Variants in CCR6 observed in about 807,000 individuals in gnomAD.
CCR6 encodes the protein C-C motif chemokine receptor 6.
CCR6 carries 2 observed loss-of-function variants against 3.0 expected under a neutral mutation model. The ratio of observed to expected loss-of-function variants is 0.66; its 90% CI spans 0.27 to 2.07. CCR6 has a LOEUF of 2.07. CCR6 is among the 30% of genes most tolerant of loss of function. The pLI is 0.14. For synonymous variants in CCR6, 193 were observed against 184.3 expected (o/e 1.05, Z -0.38); for missense variants, 322 against 462.8 (o/e 0.70, Z 2.79).
chr6:167,136,941 T>A lies in CCR6; in HGVS notation c.711T>A (p.Ile237=), dbSNP rs1420753299. 1 of 1,614,188 alleles carries A rather than the reference T, an allele frequency of 6.2e-7. No homozygotes were observed. ...TCATGATATTTTGTTACACGTTCAT[T>A]GTCAAAACCTTGGTGCAAGCTCAGA... ...LMFMIFCYTF[I]VKTLVQAQNS... The change falls in exon 3 of 3, where the codon ATT becomes ATA. Residue 237 remains isoleucine (I), a synonymous_variant. Transcript: ENST00000341935. This position sits in a 1 kb window ranked among gnomAD's most constrained non-coding sequence, Gnocchi z 4.6.
intron 1 of CCR6, among the ~76,000 whole-genome samples, chr6:167,117,572 A>G (rs1781519518): frequency 1.3e-5 from 2 of 150,626 alleles, no homozygotes; most frequent in Non-Finnish European, 3.0e-5. Context: ...GCGCGCCACC[A>G]CGCCCGGCTA....
intron 1 of CCR6, among the ~76,000 whole-genome samples, 172 bp downstream of exon 1, chr6:167,123,395 G>T (rs937496988): frequency 1.3e-5 from 2 of 152,100 alleles, no homozygotes; most frequent in East Asian, 1.9e-4. Context: ...TGACTTTATG[G>T]TTTTAGGAAG....
chr6:167,122,964 A>T (rs761772330), upstream of CCR6: 11 of 152,454 alleles, frequency 7.2e-5, no homozygotes, highest in Middle Eastern at 3.2e-3. The surrounding 1 kb of genome is among the most constrained non-coding windows in gnomAD (Gnocchi z 4.2). Context: ...CTTTGATTCC[A>T]GGGATCCTAC....
intron 1 of CCR6, among the ~76,000 whole-genome samples, chr6:167,134,466 C>T (rs3093014): frequency 1.3e-5 from 2 of 152,140 alleles, no homozygotes; most frequent in Admixed American, 1.3e-4. Flanking sequence ...GAACCGATCT[C>T]TAAGTTGTGA....
At chr6:167,133,932 G>GTGTGTATATATATATATATA (rs1183741225) in intron 1 of CCR6, among the ~76,000 whole-genome samples, 28 of 110,396 alleles carry the variant, frequency 2.5e-4, no homozygotes, top group Non-Finnish European at 3.8e-4. Context: ...ATATATGTGT[G>GTGTGTATATATATATATATA]TATATATATA....
chr6:167,118,200 C>T (rs766949742), upstream of CCR6, among the ~76,000 whole-genome samples: 4 of 152,186 alleles, frequency 2.6e-5, no homozygotes, highest in Non-Finnish European at 5.9e-5. Flanking sequence ...TCTACCACCA[C>T]GACAACAATC....
At chr6:167,133,932 GTATATATATATATATATATATATATATA>G (rs6149918) in intron 1 of CCR6, among the ~76,000 whole-genome samples, 2 of 110,340 alleles carry the variant, frequency 1.8e-5, no homozygotes, top group African/African-American at 8.8e-5. Context: ...ATATATGTGT[GTATATATATATATATATATATATATATA>G]TATATATATA....
At chr6:167,114,184 C>T (rs1004230433) in intron 1 of CCR6, among the ~76,000 whole-genome samples, 4 of 152,240 alleles carry the variant, frequency 2.6e-5, no homozygotes, top group African/African-American at 9.6e-5. Flanking sequence ...CCTCTCCCTC[C>T]TCACCTTCCC....
chr6:167,136,226 T>C lies in CCR6; in HGVS notation c.10-14T>C. On this transcript the variant is annotated splice_polypyrimidine_tract_variant and intron_variant, in intron 2 of 2. Transcript: ENST00000341935. This position sits in a 1 kb window ranked among gnomAD's most constrained non-coding sequence, Gnocchi z 4.6. Reference sequence around the variant, plus strand: ...ACTACACTGCAGCTAACTCTATCTTTGTTTCCTTTCCAGGAATCAATGAAT... The same window carrying C: ...ACTACACTGCAGCTAACTCTATCTTCGTTTCCTTTCCAGGAATCAATGAAT... The C allele has an allele frequency of 1.2e-6, 2 of 1,607,306 alleles. 1 individual carries two copies. Among genetic ancestry groups the C allele is most frequent in the Middle Eastern group, 3.3e-4 (2 of 6,040 alleles).
At chr6:167,129,826 G>T (rs977569797) in intron 1 of CCR6, among the ~76,000 whole-genome samples, 3 of 151,582 alleles carry the variant, frequency 2.0e-5, no homozygotes, top group African/African-American at 7.3e-5. Flanking sequence ...TCAGGTGGGG[G>T]GTGACAATGA....
chr6:167,122,095 C>T (rs36226077), upstream of CCR6, among the ~76,000 whole-genome samples: 17 of 152,056 alleles, frequency 1.1e-4, no homozygotes, highest in East Asian at 1.4e-3. The surrounding 1 kb of genome is among the most constrained non-coding windows in gnomAD (Gnocchi z 4.2). Context: ...CAGGAAGGAG[C>T]GACCCAGGTG....
intron 1 of CCR6, among the ~76,000 whole-genome samples, chr6:167,129,174 G>A (rs1188638610): frequency 6.6e-6 from 1 of 152,164 alleles, no homozygotes; most frequent in Non-Finnish European, 1.5e-5. Flanking sequence ...CAATTGTCCA[G>A]ACACCTAGCA....
intron 1 of CCR6, among the ~76,000 whole-genome samples, chr6:167,131,033 T>TG (rs1410855636): frequency 1.3e-3 from 141 of 111,448 alleles, no homozygotes; most frequent in Middle Eastern, 4.4e-3. Flanking sequence ...CCCATCCCTC[T>TG]GGACCCCTTC....
chr6:167,115,694 T>A (rs962565736), intron 1 of CCR6: 8 of 152,236 alleles, frequency 5.3e-5, no homozygotes, highest in Non-Finnish European at 7.3e-5. Context: ...TCCATAATAG[T>A]CACTATAATT....
rs1781847787 is a variant in CCR6, at chr6:167,136,231, C to T, written c.10-9C>T. On this transcript the variant is annotated splice_polypyrimidine_tract_variant and intron_variant, in intron 2 of 2. Coordinates refer to ENST00000341935, the MANE Select transcript of CCR6 (RefSeq NM_031409.4). The surrounding 1 kb of genome is among the most constrained non-coding windows in gnomAD (Gnocchi z 4.6). ...ACTGCAGCTAACTCTATCTTTGTTT[C>T]CTTTCCAGGAATCAATGAATTTCAG... The T allele has an allele frequency of 6.2e-7, 1 of 1,606,386 alleles. No individual in the cohort carries two copies. Among genetic ancestry groups the T allele is most frequent in the Non-Finnish European group, 8.5e-7 (1 of 1,175,396 alleles).
intron 1 of CCR6, among the ~76,000 whole-genome samples, chr6:167,124,689 G>A (rs1223501938): frequency 6.6e-6 from 1 of 152,078 alleles, no homozygotes; most frequent in Non-Finnish European, 1.5e-5. Flanking sequence ...TGTAAAATGG[G>A]TATGATGTCT....
Position 167,136,477 on chromosome 6 carries a change from G to A in CCR6, c.247G>A (p.Val83Ile), listed in dbSNP as rs76452893. The A allele has an allele frequency of 1.8e-5, 29 of 1,598,640 alleles. No homozygotes were observed. The highest frequency in any genetic ancestry group is 1.6e-4 in the East Asian group (7 of 44,764). Residue 83 changes from valine to isoleucine, a missense_variant, in exon 3 of 3, where the codon GTC becomes ATC. Coordinates refer to ENST00000341935, the MANE Select transcript of CCR6 (RefSeq NM_031409.4). This position sits in a 1 kb window ranked among gnomAD's most constrained non-coding sequence, Gnocchi z 4.6. ...TAAGAAGGCCAGGTCTATGACAGAC[G>A]TCTATCTCTTGAACATGGCCATTGC... is the stretch of plus-strand genomic sequence containing the variant. ...FYKKARSMTD[V>I]YLLNMAIADI...
chr6:167,113,821 C>T (rs957629162), intron 1 of CCR6, among the ~76,000 whole-genome samples: 2 of 152,194 alleles, frequency 1.3e-5, no homozygotes, highest in African/African-American at 2.4e-5. Context: ...CAGATGACTG[C>T]GTTAGAGAGG....
Position 167,136,290 on chromosome 6 carries a change from G to T in CCR6, c.60G>T (p.Val20=), listed in dbSNP as rs758000401. Residue 20 remains valine (V), a synonymous_variant, in exon 3 of 3, where the codon GTG becomes GTT. Transcript: ENST00000341935. This position sits in a 1 kb window ranked among gnomAD's most constrained non-coding sequence, Gnocchi z 4.6. ...TCGACTCCAGTGAAGATTATTTTGT[G>T]TCAGTCAATACTTCATATTACTCAG... ...DVFDSSEDYF[V]SVNTSYYSVD... 2.5e-6 allele frequency: 4 copies of T among 1,609,868 alleles called. No homozygotes were observed. The highest frequency in any genetic ancestry group is 3.4e-6 in the Non-Finnish European group (4 of 1,178,512).
Sources: allele counts gnomAD v4.1 joint callset (sites outside exome capture counted in the v4.1 genomes callset), GRCh38; gene constraint gnomAD v4.1.1; non-coding constraint Gnocchi (gnomAD v3.1); transcripts MANE v1.5; gene names NCBI Gene and HGNC (gene_info 2026-07-23, HGNC 2026-07-21).